MACROD2: variants seen among roughly 807,000 people sequenced by gnomAD.
MACROD2 encodes ADP-ribose glycohydrolase MACROD2.
Under a neutral mutation model 70.4 loss-of-function variants are expected in MACROD2, and 36 were observed. The ratio of observed to expected loss-of-function variants is 0.51; its 90% CI spans 0.39 to 0.68. MACROD2 has a LOEUF of 0.68. Ranked by LOEUF, MACROD2 falls within the 30% of genes least tolerant of loss-of-function variation. MACROD2 has a pLI of 0.00. For synonymous variants in MACROD2, 172 were observed against 178.8 expected (o/e 0.96, Z 0.30); for missense variants, 496 against 538.4 (o/e 0.92, Z 0.78).
At chr20:14,738,565 A>T (rs367903451) in intron 5 of MACROD2, among the ~76,000 whole-genome samples, 5 of 152,304 alleles carry the variant, frequency 3.3e-5, no homozygotes, top group African/African-American at 9.6e-5. Context: ...TGCTTAGAAC[A>T]GTACTTAGCA....
intron 6 of MACROD2, among the ~76,000 whole-genome samples, chr20:15,301,072 A>G (rs1034419269): frequency 3.3e-5 from 5 of 152,176 alleles, no homozygotes; most frequent in African/African-American, 1.2e-4. Context: ...GAACAACTTC[A>G]GAGGAAGGAC....
intron 5 of MACROD2, among the ~76,000 whole-genome samples, chr20:14,954,431 AAC>A (rs933695534): frequency 4.7e-5 from 7 of 148,308 alleles, no homozygotes; most frequent in African/African-American, 1.5e-4. Context: ...CCCTGTAGAA[AAC>A]CTAATATTTG....
intron 3 of MACROD2, among the ~76,000 whole-genome samples, chr20:14,485,695 C>G (rs1181983228): frequency 1.4e-5 from 1 of 72,932 alleles, no homozygotes; most frequent in Non-Finnish European, 2.5e-5. Flanking sequence ...GAGCAAGACT[C>G]CGTCTCAAAA....
chr20:14,884,812 G>A (rs2073652973), intron 5 of MACROD2, among the ~76,000 whole-genome samples: 1 of 152,092 alleles, frequency 6.6e-6, no homozygotes, highest in Admixed American at 6.6e-5. Context: ...TCTCTCTGAA[G>A]CCTGGAGGCT....
chr20:14,372,340 A>G (rs1223691559), intron 3 of MACROD2, among the ~76,000 whole-genome samples: 1 of 151,912 alleles, frequency 6.6e-6, no homozygotes, highest in East Asian at 1.9e-4. Flanking sequence ...AGTAGTGAGC[A>G]TATCAAAATA....
At chr20:15,341,748 CA>C (rs2078112043) in intron 6 of MACROD2, among the ~76,000 whole-genome samples, 1 of 152,102 alleles carries the variant, frequency 6.6e-6, no homozygotes, top group Non-Finnish European at 1.5e-5. Flanking sequence ...AAAGTAGATA[CA>C]TTTAAAATTA....
intron 4 of MACROD2, among the ~76,000 whole-genome samples, chr20:14,556,870 A>G (rs1979068597): frequency 6.6e-6 from 1 of 152,042 alleles, no homozygotes; most frequent in Non-Finnish European, 1.5e-5. Flanking sequence ...CAATTTTATT[A>G]CTTTAAATTT....
chr20:14,351,088 A>G (rs1043778115), intron 3 of MACROD2, among the ~76,000 whole-genome samples: 2 of 152,090 alleles, frequency 1.3e-5, no homozygotes, highest in African/African-American at 2.4e-5. Flanking sequence ...TGGGTTCTCT[A>G]TTCTGTTCCA....
intron 6 of MACROD2, among the ~76,000 whole-genome samples, chr20:15,329,153 G>A (rs1197411784): frequency 3.3e-5 from 5 of 152,080 alleles, no homozygotes; most frequent in Non-Finnish European, 7.4e-5. Context: ...TCTTCTTTAT[G>A]TTCCTCTGTA....
chr20:15,394,351 G>T (rs576359750), intron 6 of MACROD2, among the ~76,000 whole-genome samples: 1 of 152,188 alleles, frequency 6.6e-6, no homozygotes, highest in Non-Finnish European at 1.5e-5. Context: ...CCTCTTGTAA[G>T]ATAGCATCTT....
At chr20:15,199,007 CTTTTT>C (rs11477634) in intron 5 of MACROD2, among the ~76,000 whole-genome samples, 1 of 118,624 alleles carries the variant, frequency 8.4e-6, no homozygotes, top group Non-Finnish European at 1.7e-5. Flanking sequence ...ATCTGGACTT[CTTTTT>C]TTTTTTTTTT....
intron 4 of MACROD2, among the ~76,000 whole-genome samples, chr20:14,538,516 C>G (rs2085393667): frequency 6.6e-6 from 1 of 152,190 alleles, no homozygotes; most frequent in African/African-American, 2.4e-5. Flanking sequence ...GCACTTAGAG[C>G]AAAATCCACA....
At chr20:16,037,543 A>G (rs2067251747) in intron 15 of MACROD2, among the ~76,000 whole-genome samples, 1 of 151,800 alleles carries the variant, frequency 6.6e-6, no homozygotes, top group South Asian at 2.1e-4. Flanking sequence ...TATAAATAAT[A>G]ATAATATTAT....
At chr20:15,672,171 G>A (rs1001292109) in intron 8 of MACROD2, among the ~76,000 whole-genome samples, 6 of 152,064 alleles carry the variant, frequency 3.9e-5, no homozygotes, top group Admixed American at 1.3e-4. Context: ...CTTATGAATC[G>A]TCTCTGCACA....
chr20:14,205,856 A>G (rs941951136), intron 3 of MACROD2, among the ~76,000 whole-genome samples: 5 of 152,236 alleles, frequency 3.3e-5, no homozygotes, highest in Admixed American at 6.5e-5. Flanking sequence ...TCTTGGATCC[A>G]ATAGTTAAAT....
chr20:14,639,556 T>C (rs1161349381), intron 4 of MACROD2, among the ~76,000 whole-genome samples: 1 of 152,162 alleles, frequency 6.6e-6, no homozygotes, highest in Non-Finnish European at 1.5e-5. Context: ...TTTAGTTCAA[T>C]TGCCGTCAGG....
chr20:15,866,095 A>T (rs2064489411), intron 9 of MACROD2, among the ~76,000 whole-genome samples: 1 of 152,192 alleles, frequency 6.6e-6, no homozygotes. Flanking sequence ...ACTGGGTTTC[A>T]AACAACTTAT....
intron 8 of MACROD2, among the ~76,000 whole-genome samples, chr20:15,709,973 G>C (rs989919309): frequency 5.3e-5 from 8 of 152,132 alleles, no homozygotes; most frequent in African/African-American, 1.7e-4. Context: ...AGTAACCACT[G>C]TTCTACTCTC....
intron 8 of MACROD2, among the ~76,000 whole-genome samples, chr20:15,658,327 C>CA (rs2146810376): frequency 6.6e-6 from 1 of 151,712 alleles, no homozygotes; most frequent in Non-Finnish European, 1.5e-5. Context: ...TCCTTAAACA[C>CA]ATGACTGCTT....
Sources: allele counts gnomAD v4.1 joint callset (sites outside exome capture counted in the v4.1 genomes callset), GRCh38; gene constraint gnomAD v4.1.1; transcripts MANE v1.5; gene names NCBI Gene and HGNC (gene_info 2026-07-23, HGNC 2026-07-21).